The following KAT2B variants were observed in gnomAD, a reference collection of about 807,000 sequenced individuals.
KAT2B encodes the protein histone acetyltransferase KAT2B.
A neutral mutation model predicts 105.9 loss-of-function variants in KAT2B; 36 were observed. That is an observed-to-expected ratio of 0.34 (90% confidence interval 0.26 to 0.45). The LOEUF (loss-of-function observed/expected upper bound fraction) is 0.45. KAT2B is among the 20% of genes least tolerant of loss of function. The pLI is 1.00. For missense variants in KAT2B, 820 were observed against 1,021.6 expected (o/e 0.80, Z 2.69); for synonymous variants, 397 against 377.9 (o/e 1.05, Z -0.59).
At chr3:20,060,380 TC>T (rs1369442809) in intron 1 of KAT2B, among the ~76,000 whole-genome samples, 1 of 152,122 alleles carries the variant, frequency 6.6e-6, no homozygotes, top group African/African-American at 2.4e-5. Flanking sequence ...GGCGGGCGGA[TC>T]ACCTGAGGTC....
chr3:20,137,030 C>T lies in KAT2B; in HGVS notation c.1838C>T (p.Ala613Val). 1.3e-6 allele frequency: 2 copies of T among 1,573,934 alleles called. No homozygotes were observed. The highest frequency in any genetic ancestry group is 1.7e-6 in the Non-Finnish European group (2 of 1,143,650). The stretch of plus-strand genomic sequence containing the variant: ...TTCCTCACATATGCAGATGAATATG[C>T]AATTGGATACTTTAAGAAACAGGTT... ...LNFLTYADEY[A>V]IGYFKKQGFS... The change falls in exon 12 of 18, where the codon GCA becomes GTA. Residue 613 changes from alanine (A) to valine (V), a missense_variant. Ala to Val is a moderately conservative substitution (Grantham distance 64). Coordinates refer to ENST00000263754, the MANE Select transcript of KAT2B (RefSeq NM_003884.5).
intron 2 of KAT2B, among the ~76,000 whole-genome samples, chr3:20,081,432 C>A (rs1575122002): frequency 6.6e-6 from 1 of 152,308 alleles, no homozygotes; most frequent in South Asian, 2.1e-4. Flanking sequence ...CACTCTCTGG[C>A]ACCCTGGGTG....
intron 1 of KAT2B, among the ~76,000 whole-genome samples, chr3:20,061,427 A>T (rs1251247368): frequency 2.0e-5 from 3 of 152,114 alleles, no homozygotes; most frequent in Non-Finnish European, 2.9e-5. Flanking sequence ...CTTAATAATG[A>T]TACTAGGACA....
chr3:20,096,965 GAGAGAGAA>G lies in KAT2B; in HGVS notation c.576+1564_576+1571del, dbSNP rs1004717352. On this transcript the variant is annotated intron_variant, in intron 3 of 17. Coordinates refer to ENST00000263754, the MANE Select transcript of KAT2B (RefSeq NM_003884.5). ...ATAATAGGAAAGAGAGAGAGAGAGA[GAGAGAGAA>G]AGAGAGTGGGGGAAGAGAGAGAATA... Among the ~76,000 whole-genome samples, 28 of 151,832 alleles carry G rather than the reference GAGAGAGAA, an allele frequency of 1.8e-4. 1 individual carries two copies. Among genetic ancestry groups the G allele is most frequent in the African/African-American group, 6.3e-4 (26 of 41,206 alleles).
intron 13 of KAT2B, among the ~76,000 whole-genome samples, chr3:20,145,690 A>T (rs1699774196): frequency 6.6e-6 from 1 of 151,312 alleles, no homozygotes; most frequent in East Asian, 1.9e-4. Flanking sequence ...GTGATGGCTT[A>T]TGTCATGGTT....
chr3:20,140,457 T>C, intron 13 of KAT2B, 93 bp downstream of exon 13: 1 of 1,291,576 alleles, frequency 7.7e-7, no homozygotes, highest in Non-Finnish European at 1.1e-6. Flanking sequence ...ATGTGTTTAC[T>C]GGATAGCAAA....
intron 1 of KAT2B, among the ~76,000 whole-genome samples, chr3:20,051,311 T>A (rs1234987757): frequency 6.6e-6 from 1 of 151,610 alleles, no homozygotes; most frequent in Non-Finnish European, 1.5e-5. Flanking sequence ...AGGAGGTGGG[T>A]GCATGTGGGC....
At chr3:20,068,551 A>C (rs1249963831) in intron 1 of KAT2B, among the ~76,000 whole-genome samples, 1 of 151,692 alleles carries the variant, frequency 6.6e-6, no homozygotes, top group Non-Finnish European at 1.5e-5. Flanking sequence ...CTTTCTTTCC[A>C]TAGCACCATC....
chr3:20,041,360 C>T (rs1485436770), intron 1 of KAT2B, among the ~76,000 whole-genome samples: 1 of 152,044 alleles, frequency 6.6e-6, no homozygotes, highest in Non-Finnish European at 1.5e-5. Flanking sequence ...CGGCTGGGGG[C>T]GGAGGCACTG....
intron 1 of KAT2B, among the ~76,000 whole-genome samples, chr3:20,046,458 T>G (rs1318965413): frequency 6.6e-6 from 1 of 152,146 alleles, no homozygotes; most frequent in African/African-American, 2.4e-5. Flanking sequence ...GGTGCGTGCC[T>G]GTAGTCCCTA....
At chr3:20,110,795 T>C (rs986811425) in intron 5 of KAT2B, among the ~76,000 whole-genome samples, 2 of 152,184 alleles carry the variant, frequency 1.3e-5, no homozygotes, top group Non-Finnish European at 1.5e-5. Flanking sequence ...GTATTGTCAG[T>C]GTACCCTAGA....
At chr3:20,047,870 C>T (rs1431105290) in intron 1 of KAT2B, among the ~76,000 whole-genome samples, 1 of 152,104 alleles carries the variant, frequency 6.6e-6, no homozygotes, top group Non-Finnish European at 1.5e-5. Flanking sequence ...TCTGCCTGCG[C>T]CTCCTGAAGT....
chr3:20,050,586 T>C (rs1697899079), intron 1 of KAT2B, among the ~76,000 whole-genome samples: 3 of 152,252 alleles, frequency 2.0e-5, no homozygotes, highest in Non-Finnish European at 4.4e-5. Context: ...CAGATGCATC[T>C]ATATTATTGC....
Position 20,147,954 on chromosome 3 carries a change from G to A in KAT2B, c.2120-9G>A. 1 of 1,612,888 alleles carries A rather than the reference G, an allele frequency of 6.2e-7. No individual in the cohort carries two copies. Among genetic ancestry groups the A allele is most frequent in the Non-Finnish European group, 8.5e-7 (1 of 1,179,312 alleles). On this transcript the variant is annotated splice_polypyrimidine_tract_variant and intron_variant, in intron 14 of 17. Transcript: ENST00000263754. The stretch of plus-strand genomic sequence containing the variant: ...TTCTCATTCAGTGTTTCACTTTGTT[G>A]ACGTATAGGAGAGACAGGCTGGAAA...
rs746474785 is a variant in KAT2B, at chr3:20,137,092, T to A, written c.1860+40T>A. ...ACGCAACACTGTTTTGTCACTCCTTTTCTTAATATGTTCTCAGGTAGCGTT... is the reference window on the plus strand; with the variant it reads ...ACGCAACACTGTTTTGTCACTCCTTATCTTAATATGTTCTCAGGTAGCGTT... On this transcript the variant is annotated intron_variant, in intron 12 of 17. Transcript: ENST00000263754. The A allele has an allele frequency of 9.1e-6, 9 of 985,412 alleles. No homozygotes were observed. In the South Asian group the frequency reaches 1.0e-4, roughly 11 times the overall value. 61.0% of individuals were successfully genotyped at this position (985,412 alleles called of 1,614,324 possible).
chr3:20,125,775 G>A (rs1355952391), intron 9 of KAT2B, 130 bp from the exon 10 acceptor site: 2 of 699,156 alleles, frequency 2.9e-6, no homozygotes, highest in East Asian at 2.6e-5. Context: ...GCACACATGT[G>A]TATTTAGGAC....
intron 2 of KAT2B, among the ~76,000 whole-genome samples, chr3:20,088,518 C>G (rs1698660249): frequency 6.6e-6 from 1 of 152,130 alleles, no homozygotes; most frequent in East Asian, 1.9e-4. Context: ...AACATTTTTC[C>G]ATATACCTGT....
chr3:20,062,000 CAT>C lies in KAT2B; in HGVS notation c.304-10329_304-10328del, dbSNP rs1321404993. On this transcript the variant is annotated intron_variant, in intron 1 of 17. Coordinates refer to ENST00000263754, the MANE Select transcript of KAT2B (RefSeq NM_003884.5). ...TATATAAAACATATAATATATAAAACATATAATATATATTATATATAAAACAT... is the reference window on the plus strand; with the variant it reads ...TATATAAAACATATAATATATAAAACATAATATATATTATATATAAAACAT... Among the ~76,000 whole-genome samples the C allele has an allele frequency of 2.5e-3, 127 of 50,696 alleles. 1 individual carries two copies. Among genetic ancestry groups the C allele is most frequent in the African/African-American group, 5.4e-3 (64 of 11,870 alleles). The allele number at this position is 50,696 out of a possible 152,430, so 33.3% of individuals were successfully genotyped here. A position where few individuals can be genotyped will look rare whatever the true frequency, so the allele number is the denominator to read the frequency against.
chr3:20,103,934 T>G (rs1002809649), intron 5 of KAT2B, among the ~76,000 whole-genome samples: 1 of 152,154 alleles, frequency 6.6e-6, no homozygotes, highest in Non-Finnish European at 1.5e-5. Context: ...GTCATGACTT[T>G]TGTGAGTATT....
Sources: gnomAD v4.1 joint callset for allele counts (sites outside exome capture counted in the v4.1 genomes callset) on GRCh38, gnomAD v4.1.1 for gene constraint, MANE v1.5 for transcripts, NCBI Gene and HGNC (gene_info 2026-07-23, HGNC 2026-07-21) for gene names.